The following PAPPA2 variants were observed in gnomAD, a reference collection of about 807,000 sequenced individuals.
PAPPA2 encodes the protein pappalysin 2, also known as pappalysin-2.
A neutral mutation model predicts 176.4 loss-of-function variants in PAPPA2; 86 were observed. The observed-to-expected ratio is 0.49, with a 90% CI of 0.41 to 0.58. The LOEUF (loss-of-function observed/expected upper bound fraction) is 0.58, where lower values mean the gene tolerates loss of function less well. Among genes scored for constraint, PAPPA2 ranks in the 20% least tolerant of loss-of-function variants. The probability of loss-of-function intolerance (pLI) is 0.00; values close to 1 mark genes in which losing one functional copy is unlikely to be tolerated. For missense variants in PAPPA2, 2,073 were observed against 2,256.9 expected, an observed-to-expected ratio of 0.92 and a Z score of 1.65; for synonymous variants, 809 against 852.2, an observed-to-expected ratio of 0.95 and a Z score of 0.88.
At chr1:176,497,702 T>G (rs1209294876) in intron 1 of PAPPA2, among the ~76,000 whole-genome samples, 2 of 152,082 alleles carry the variant, frequency 1.3e-5, no homozygotes, top group Admixed American at 1.3e-4. Context: ...TTAGTGGGGG[T>G]TGCCTCCTTG....
At chr1:176,811,676 G>A (rs1040778992) in intron 21 of PAPPA2, among the ~76,000 whole-genome samples, 1 of 152,084 alleles carries the variant, frequency 6.6e-6, no homozygotes, top group Non-Finnish European at 1.5e-5. Flanking sequence ...CTCACTACCT[G>A]CCAAATTCTA....
intron 3 of PAPPA2, among the ~76,000 whole-genome samples, chr1:176,622,956 A>G (rs766506898): frequency 6.6e-5 from 10 of 152,186 alleles, no homozygotes; most frequent in Non-Finnish European, 1.3e-4. Flanking sequence ...TTCTGTCTTC[A>G]TATGGAGAAA....
intron 11 of PAPPA2, 57 bp downstream of exon 11, chr1:176,710,233 C>T: frequency 6.8e-7 from 1 of 1,463,124 alleles, no homozygotes; most frequent in East Asian, 2.3e-5. Context: ...AGTGACTCCC[C>T]CTATGCTTAC....
In PAPPA2 at chr1:176,771,284, T is replaced by A. The variant is rs143677226; in HGVS notation, c.4715+104T>A. 2.5e-6 allele frequency: 3 copies of A among 1,218,888 alleles called. No homozygotes were observed. The African/African-American group carries it at 4.5e-5, about 18-fold the overall frequency. The allele number at this position is 1,218,888 out of a possible 1,614,324, so 75.5% of individuals were successfully genotyped here. ...TTACCTGCAGGGCTATATTCTCCAG[T>A]CATGACAGGCAGGCAACCTGCTGTG... On this transcript the variant is annotated intron_variant, in intron 17 of 22. Transcript: ENST00000367662.
Position 176,634,610 on chromosome 1 carries a change from TA to T in PAPPA2, c.1992-36351del, listed in dbSNP as rs967098313. ...ATAATAAAAATATATATATATAAAA[TA>T]AAAAAAAACACTTGAACCCAGGTGA... On this transcript the variant is annotated intron_variant, in intron 3 of 22. Coordinates refer to ENST00000367662, the MANE Select transcript of PAPPA2 (RefSeq NM_020318.3). Among the ~76,000 whole-genome samples the T allele has an allele frequency of 3.1e-3, 462 of 149,740 alleles. 3 individuals are homozygous for T. The highest frequency in any genetic ancestry group is 7.9e-3 in the African/African-American group (323 of 40,936).
rs749392714 is a variant in PAPPA2 at position 176,595,214 on chromosome 1, G to C, written c.1610G>C (p.Gly537Ala). The C allele has an allele frequency of 6.2e-7, 1 of 1,614,210 alleles. No individual in the cohort carries two copies. The highest frequency in any genetic ancestry group is 1.7e-5 in the Admixed American group (1 of 60,030). ...YQVVNICDDE[G>A]LNPIVSEEQI... ...GTGGTGAACATCTGTGATGATGAGGGCCTAAACCCCATTGTGAGTGAGGAG... is the reference window on the plus strand; with the variant it reads ...GTGGTGAACATCTGTGATGATGAGGCCCTAAACCCCATTGTGAGTGAGGAG... The change falls in exon 3 of 23, where the codon GGC becomes GCC. Residue 537 changes from glycine (G) to alanine (A), a missense_variant. Gly to Ala is a moderately conservative substitution (Grantham distance 60). Around this residue, in one of 4 missense-constraint regions of PAPPA2, gnomAD observed 1,196 missense variants for 1,330.4 expected, o/e 0.90. Transcript: ENST00000367662.
At chr1:176,820,197 G>A (rs1030131561) in intron 21 of PAPPA2, among the ~76,000 whole-genome samples, 1 of 151,852 alleles carries the variant, frequency 6.6e-6, no homozygotes, top group Admixed American at 6.6e-5. Context: ...CCCCATCCTT[G>A]TCTCCAAAGC....
At chr1:176,735,514 C>A (rs1662357691) in intron 12 of PAPPA2, among the ~76,000 whole-genome samples, 1 of 152,048 alleles carries the variant, frequency 6.6e-6, no homozygotes, top group Admixed American at 6.6e-5. Flanking sequence ...GCCCAGCAGG[C>A]AGATTGAAGG....
intron 14 of PAPPA2, 55 bp downstream of exon 14, chr1:176,740,251 G>C (rs1334907382): frequency 2.6e-6 from 4 of 1,513,772 alleles, no homozygotes; most frequent in Non-Finnish European, 3.6e-6. Flanking sequence ...CTAATGATTG[G>C]CTCACATTTA....
At chr1:176,598,196 C>T (rs547930819) in intron 3 of PAPPA2, among the ~76,000 whole-genome samples, 44 of 152,274 alleles carry the variant, frequency 2.9e-4, no homozygotes, top group Non-Finnish European at 5.1e-4. Flanking sequence ...AGTGTCCTGC[C>T]TAACTCTTCC....
chr1:176,841,134 T>A (rs1178085633), intron 22 of PAPPA2, among the ~76,000 whole-genome samples: 1 of 152,178 alleles, frequency 6.6e-6, no homozygotes, highest in Admixed American at 6.5e-5. Flanking sequence ...AATTTGGCTG[T>A]CTTTTGCTCT....
At chr1:176,622,745 T>C (rs1436943859) in intron 3 of PAPPA2, among the ~76,000 whole-genome samples, 1 of 152,206 alleles carries the variant, frequency 6.6e-6, no homozygotes, top group African/African-American at 2.4e-5. Context: ...TCAACTGTTT[T>C]GCCCATTTAA....
At chr1:176,755,772 T>G (rs1313698587) in intron 14 of PAPPA2, among the ~76,000 whole-genome samples, 1 of 152,176 alleles carries the variant, frequency 6.6e-6, no homozygotes, top group Non-Finnish European at 1.5e-5. Flanking sequence ...AATTTGCCTA[T>G]AATTTTTGAC....
Position 176,829,366 on chromosome 1 carries a change from C to T in PAPPA2, c.5203-10807C>T, listed in dbSNP as rs12141787. ...ATCCAAACAAGGCATACGGTCGTTT[C>T]CTCCCACAGTCTGCATTCCCAGTCA... On this transcript the variant is annotated intron_variant, in intron 21 of 22. Coordinates refer to ENST00000367662, the MANE Select transcript of PAPPA2 (RefSeq NM_020318.3). Among the ~76,000 whole-genome samples, 722 of 152,288 alleles carry T rather than the reference C, an allele frequency of 4.7e-3. 2 individuals are homozygous for T. The highest frequency in any genetic ancestry group is 8.1e-3 in the Admixed American group (124 of 15,300).
chr1:176,518,202 A>T (rs1649022382), intron 1 of PAPPA2, among the ~76,000 whole-genome samples: 1 of 152,118 alleles, frequency 6.6e-6, no homozygotes. Context: ...CAGGTCTCTG[A>T]CTCACAATCT....
intron 17 of PAPPA2, among the ~76,000 whole-genome samples, chr1:176,772,634 A>G (rs1379902052): frequency 1.3e-5 from 2 of 152,122 alleles, no homozygotes; most frequent in Non-Finnish European, 2.9e-5. Flanking sequence ...AACATAAACA[A>G]TACTGATGAA....
intron 3 of PAPPA2, among the ~76,000 whole-genome samples, chr1:176,646,990 G>T (rs970883392): frequency 2.6e-5 from 4 of 151,496 alleles, no homozygotes; most frequent in Non-Finnish European, 5.9e-5. Flanking sequence ...ACTCTAAACT[G>T]TTCTTGATAG....
intron 1 of PAPPA2, among the ~76,000 whole-genome samples, chr1:176,466,251 G>A (rs1037470621): frequency 1.3e-5 from 2 of 152,080 alleles, no homozygotes; most frequent in Non-Finnish European, 1.5e-5. Context: ...TGCTGCAAAG[G>A]CCAAATGAAC....
At chr1:176,639,997 A>G (rs1211473198) in intron 3 of PAPPA2, among the ~76,000 whole-genome samples, 1 of 151,652 alleles carries the variant, frequency 6.6e-6, no homozygotes, top group Non-Finnish European at 1.5e-5. Context: ...ACTTAGAGAT[A>G]TTATAAAAAT....
Sources: allele counts gnomAD v4.1 joint callset (sites outside exome capture counted in the v4.1 genomes callset), GRCh38; gene constraint gnomAD v4.1.1; regional missense constraint gnomAD v4.1.1; transcripts MANE v1.5; gene names NCBI Gene and HGNC (gene_info 2026-07-23, HGNC 2026-07-21).